TEX11: variants seen among roughly 807,000 people sequenced by gnomAD.
TEX11 encodes the protein testis expressed 11, also known as testis-expressed protein 11.
In TEX11, 7 loss-of-function variants were observed where a neutral mutation model predicts 84.4. The observed-to-expected ratio is 0.08, with a 90% CI of 0.05 to 0.16. The LOEUF (loss-of-function observed/expected upper bound fraction) is 0.16. Ranked by LOEUF, TEX11 falls within the 10% of genes least tolerant of loss-of-function variation. The pLI is 1.00. For synonymous variants in TEX11, 264 were observed against 222.8 expected (o/e 1.18, Z -1.64); for missense variants, 551 against 660.5 (o/e 0.83, Z 1.82).
intron 9 of TEX11, among the ~76,000 whole-genome samples, chrX:70,761,125 G>A (rs191154373): frequency 7.4e-4 from 83 of 111,913 alleles, no homozygotes; most frequent in Admixed American, 1.3e-3. Context: ...TGCTGGAGAG[G>A]ATATGGAGAA....
At chrX:70,621,569 TATATATATAAATAA>T (rs1249514071) in intron 20 of TEX11, among the ~76,000 whole-genome samples, 3 of 55,601 alleles carry the variant, frequency 5.4e-5, no homozygotes, top group African/African-American at 7.0e-5. Context: ...TATATATATA[TATATATATAAATAA>T]AAATAAAATA....
intron 13 of TEX11, among the ~76,000 whole-genome samples, chrX:70,701,069 C>A (rs1451982898): frequency 8.9e-6 from 1 of 111,844 alleles, no homozygotes; most frequent in African/African-American, 3.2e-5. Flanking sequence ...CATAAAAGCA[C>A]AATGCAAAGC....
intron 28 of TEX11, among the ~76,000 whole-genome samples, chrX:70,544,247 C>T (rs1485446662): frequency 1.8e-5 from 2 of 111,964 alleles, no homozygotes; most frequent in African/African-American, 6.5e-5. Context: ...GGTGTGGTGG[C>T]TCACACCTGT....
rs771547470 is a variant in TEX11, at chrX:70,813,600, G to A, written c.607-6810C>T. ...CATAGTGTTGGAAGTTCTGGCCAGG[G>A]CAATCAGGCAGGAGAAAGAAATAAA... On this transcript the variant is annotated intron_variant, in intron 8 of 29. Coordinates refer to ENST00000374333, the MANE Select transcript of TEX11 (RefSeq NM_031276.3). Among the ~76,000 whole-genome samples the A allele has an allele frequency of 2.7e-5, 3 of 111,128 alleles. No individual in the cohort carries two copies. The South Asian group carries it at 1.2e-3, about 43-fold the overall frequency.
intron 2 of TEX11, among the ~76,000 whole-genome samples, chrX:70,902,520 CTTTG>C (rs762609912): frequency 4.6e-4 from 51 of 111,266 alleles, no homozygotes; most frequent in African/African-American, 1.6e-3. Flanking sequence ...ACTTTATAAG[CTTTG>C]TTTGTTTGTT....
intron 20 of TEX11, among the ~76,000 whole-genome samples, chrX:70,612,906 A>G (rs1298467047): frequency 9.0e-6 from 1 of 111,557 alleles, no homozygotes; most frequent in Non-Finnish European, 1.9e-5. Context: ...AATAAAATAT[A>G]CAGACAAAAT....
intron 7 of TEX11, among the ~76,000 whole-genome samples, chrX:70,842,188 T>C (rs1371359257): frequency 9.0e-6 from 1 of 111,193 alleles, no homozygotes; most frequent in Non-Finnish European, 1.9e-5. Context: ...AAAAAGAGAA[T>C]TTTAGACCAA....
At chrX:70,661,688 A>G (rs1054268709) in intron 16 of TEX11, among the ~76,000 whole-genome samples, 4 of 111,596 alleles carry the variant, frequency 3.6e-5, no homozygotes, top group Non-Finnish European at 7.5e-5. Context: ...TTCCAGAGGA[A>G]TGATCAGGCA....
At chrX:70,584,613 C>A (rs866655628) in intron 25 of TEX11, among the ~76,000 whole-genome samples, 3 of 110,867 alleles carry the variant, frequency 2.7e-5, no homozygotes, top group African/African-American at 9.8e-5. Context: ...AATTACAAAC[C>A]AATATTCTTT....
intron 11 of TEX11, among the ~76,000 whole-genome samples, chrX:70,729,456 G>A (rs2090627033): frequency 9.0e-6 from 1 of 111,631 alleles, no homozygotes; most frequent in African/African-American, 3.3e-5. Context: ...ATACAGAGAA[G>A]TCCTTAAAGG....
chrX:70,578,013 C>A (rs5980969), intron 25 of TEX11, among the ~76,000 whole-genome samples: 22,637 of 110,840 alleles, frequency 0.2, 1,823 homozygotes, highest in African/African-American at 0.24. Context: ...CAGGTGTGAG[C>A]CACCACACCC....
intron 13 of TEX11, among the ~76,000 whole-genome samples, chrX:70,721,812 A>G (rs943655604): frequency 8.9e-6 from 1 of 112,128 alleles, no homozygotes; most frequent in Non-Finnish European, 1.9e-5. Context: ...GTATACTTAT[A>G]TCTTAACCTG....
intron 2 of TEX11, among the ~76,000 whole-genome samples, chrX:70,894,853 T>C (rs1267252025): frequency 1.8e-5 from 2 of 111,665 alleles, no homozygotes; most frequent in Non-Finnish European, 3.8e-5. Flanking sequence ...CTAAAAACTC[T>C]CAATAAACTA....
intron 7 of TEX11, among the ~76,000 whole-genome samples, chrX:70,842,404 A>G (rs2091451794): frequency 9.0e-6 from 1 of 111,711 alleles, no homozygotes. Flanking sequence ...CAATAGATGC[A>G]GAAAAGGCCT....
At chrX:70,593,007 T>C (rs2088953664) in intron 24 of TEX11, among the ~76,000 whole-genome samples, 1 of 109,462 alleles carries the variant, frequency 9.1e-6, no homozygotes, top group Non-Finnish European at 1.9e-5. Context: ...AAAGGGGTCT[T>C]CTTTTAATTG....
chrX:70,898,145 A>C (rs1474070003), intron 2 of TEX11, among the ~76,000 whole-genome samples: 1 of 112,087 alleles, frequency 8.9e-6, no homozygotes, highest in African/African-American at 3.2e-5. Context: ...GCACTACCAA[A>C]GGTAATTACA....
At chrX:70,523,666 G>A in the TEX11 span, among the ~76,000 whole-genome samples, 2 of 109,041 alleles carry the variant, frequency 1.8e-5, no homozygotes, top group African/African-American at 6.7e-5. Flanking sequence ...GGGTTTCACT[G>A]TGTTAGCCAG....
At chrX:70,601,872 G>T (rs2089120269) in intron 24 of TEX11, among the ~76,000 whole-genome samples, 1 of 109,017 alleles carries the variant, frequency 9.2e-6, no homozygotes, top group African/African-American at 3.3e-5. Flanking sequence ...CAGATCAACA[G>T]GATCCCAAGG....
At chrX:70,740,657 CA>C (rs746144740) in intron 11 of TEX11, 43 bp downstream of exon 11, 9 of 971,186 alleles carry the variant, frequency 9.3e-6, no homozygotes, top group Non-Finnish European at 1.3e-5. Context: ...ATCAAGACTT[CA>C]AAAAATACAT....
Sources: gnomAD v4.1 joint callset for allele counts (sites outside exome capture counted in the v4.1 genomes callset) on GRCh38, gnomAD v4.1.1 for gene constraint, MANE v1.5 for transcripts, NCBI Gene and HGNC (gene_info 2026-07-23, HGNC 2026-07-21) for gene names.